The following SNX24 variants were observed in gnomAD, a reference collection of about 807,000 sequenced individuals.
SNX24 encodes sorting nexin 24, also known as sorting nexin-24.
SNX24 carries 22 observed loss-of-function variants against 28.7 expected under a neutral mutation model. That is an observed-to-expected ratio of 0.77 (90% CI 0.55 to 1.10). The LOEUF is 1.10. Ranked by LOEUF, SNX24 falls within the 50% of genes least tolerant of loss-of-function variation. The pLI, the probability that SNX24 is intolerant of heterozygous loss-of-function variation, is 0.00. For synonymous variants in SNX24, 69 were observed against 71.5 expected (o/e 0.96, Z 0.18); for missense variants, 221 against 201.1 (o/e 1.10, Z -0.60).
intron 1 of SNX24, among the ~76,000 whole-genome samples, chr5:122,916,984 C>A (rs1445111350): frequency 6.6e-6 from 1 of 152,156 alleles, no homozygotes; most frequent in Admixed American, 6.5e-5. Context: ...TACTTAAAGA[C>A]TGGGCTGGGC....
chr5:122,857,218 G>C (rs945901902), intron 1 of SNX24, among the ~76,000 whole-genome samples: 1 of 151,778 alleles, frequency 6.6e-6, no homozygotes, highest in African/African-American at 2.4e-5. Context: ...CACCATGTTG[G>C]TCAGGCTGGT....
chr5:122,934,558 C>T (rs921980510), intron 1 of SNX24, among the ~76,000 whole-genome samples: 1 of 152,056 alleles, frequency 6.6e-6, no homozygotes, highest in Admixed American at 6.6e-5. Flanking sequence ...TGGGGTTTCA[C>T]CATTTTGGCC....
chr5:122,965,578 C>G, intron 3 of SNX24: 1 of 387,804 alleles, frequency 2.6e-6, no homozygotes, highest in Non-Finnish European at 5.3e-6. Context: ...ATACAAGAGA[C>G]AAGCATATGG....
At chr5:122,886,252 A>C (rs1422493857) in intron 1 of SNX24, among the ~76,000 whole-genome samples, 1 of 152,230 alleles carries the variant, frequency 6.6e-6, no homozygotes, top group Non-Finnish European at 1.5e-5. Context: ...TTGCTTTGCA[A>C]ATACCTATGG....
intron 3 of SNX24, among the ~76,000 whole-genome samples, chr5:122,975,032 C>G (rs944709398): frequency 6.6e-6 from 1 of 152,166 alleles, no homozygotes; most frequent in Admixed American, 6.5e-5. Context: ...ACTGGAGGAC[C>G]ACAATGATGT....
intron 1 of SNX24, among the ~76,000 whole-genome samples, chr5:122,885,287 C>G (rs999186511): frequency 6.6e-6 from 1 of 152,064 alleles, no homozygotes; most frequent in Admixed American, 6.5e-5. Flanking sequence ...TCTGTGTTCC[C>G]TCTAGAGCAG....
At chr5:123,014,495 A>T (rs551243239) in intron 5 of SNX24, among the ~76,000 whole-genome samples, 1 of 151,890 alleles carries the variant, frequency 6.6e-6, no homozygotes, top group Non-Finnish European at 1.5e-5. Context: ...ACCAGACATG[A>T]ACGCTTAAAT....
intron 1 of SNX24, among the ~76,000 whole-genome samples, chr5:122,919,461 T>G (rs894708225): frequency 1.3e-5 from 2 of 152,198 alleles, no homozygotes; most frequent in Middle Eastern, 3.2e-3. Context: ...AAAACTCATT[T>G]AGGGTCATAT....
At chr5:123,013,413 T>A (rs1354497231), downstream of SNX24, among the ~76,000 whole-genome samples, 1 of 152,226 alleles carries the variant, frequency 6.6e-6, no homozygotes, top group Non-Finnish European at 1.5e-5. Context: ...TTGTTTTGGT[T>A]TTTATTCTTG....
Position 122,933,608 on chromosome 5 carries a change from C to T in SNX24, c.61-3126C>T, listed in dbSNP as rs575446940. 8.5e-5 allele frequency among the ~76,000 whole-genome samples: 13 copies of T among 152,234 alleles called. No homozygotes were observed. In the South Asian group the frequency reaches 2.7e-3, roughly 32 times the overall value. On this transcript the variant is annotated intron_variant, in intron 1 of 6. Transcript: ENST00000261369. Reference sequence around the variant, plus strand: ...CCAATGTCTTGAGAGCCATTTTTTCCACATATTTTGTGCACTTATTTAATT... The same window carrying T: ...CCAATGTCTTGAGAGCCATTTTTTCTACATATTTTGTGCACTTATTTAATT...
intron 3 of SNX24, among the ~76,000 whole-genome samples, chr5:122,964,504 G>T (rs1760634847): frequency 6.6e-6 from 1 of 151,832 alleles, no homozygotes; most frequent in South Asian, 2.1e-4. Flanking sequence ...TCTCGTGCAT[G>T]TTTATAATAA....
intron 5 of SNX24, among the ~76,000 whole-genome samples, chr5:123,016,703 A>G (rs1340385729): frequency 1.3e-5 from 2 of 152,052 alleles, no homozygotes; most frequent in East Asian, 3.9e-4. Context: ...GAACTCGCTG[A>G]TGGATTTGGA....
At chr5:122,880,150 A>T (rs1756410732) in intron 1 of SNX24, among the ~76,000 whole-genome samples, 1 of 152,228 alleles carries the variant, frequency 6.6e-6, no homozygotes, top group African/African-American at 2.4e-5. Context: ...TATGTGAAGC[A>T]GTGATCAATA....
rs376599381 is a variant in SNX24, at chr5:122,898,897, C to A, written c.61-37837C>A. Among the ~76,000 whole-genome samples, 30 of 152,298 alleles carry A rather than the reference C, an allele frequency of 2.0e-4. No individual in the cohort carries two copies. In the East Asian group the frequency reaches 4.4e-3, roughly 23 times the overall value. On this transcript the variant is annotated intron_variant, in intron 1 of 6. Transcript: ENST00000261369. ...GCCAAATGTGGTTGATGGGGCATTT[C>A]ACAAATCAGAGTTTAGGAACTGGAG...
intron 1 of SNX24, among the ~76,000 whole-genome samples, chr5:122,872,710 A>C (rs1756037259): frequency 6.6e-6 from 1 of 151,790 alleles, no homozygotes; most frequent in Non-Finnish European, 1.5e-5. Flanking sequence ...GTCTGTATAC[A>C]TTCAGTTTTT....
At chr5:122,957,985 CTTCTTCCATTCCAATTAGGATAGCT>C (rs1760288243) in intron 3 of SNX24, among the ~76,000 whole-genome samples, 1 of 152,110 alleles carries the variant, frequency 6.6e-6, no homozygotes, top group African/African-American at 2.4e-5. Context: ...GATAATTTTA[CTTCTTCCATTCCAATTAGGATAGCT>C]TTATTTCTTT....
intron 3 of SNX24, among the ~76,000 whole-genome samples, chr5:122,989,919 A>G (rs980956019): frequency 6.6e-6 from 1 of 152,146 alleles, no homozygotes; most frequent in Admixed American, 6.5e-5. Context: ...CTTACCAGCC[A>G]TGTGTAGACA....
intron 1 of SNX24, among the ~76,000 whole-genome samples, chr5:122,930,570 C>T (rs1415158273): frequency 6.6e-6 from 1 of 152,068 alleles, no homozygotes; most frequent in Non-Finnish European, 1.5e-5. Context: ...TGTGGACATC[C>T]TTGTCTTGTT....
At chr5:122,937,696 G>T (rs1759237239) in intron 2 of SNX24, among the ~76,000 whole-genome samples, 1 of 152,098 alleles carries the variant, frequency 6.6e-6, no homozygotes, top group African/African-American at 2.4e-5. Context: ...TTTTCTGTTA[G>T]GACGGCAAGG....
Sources: gnomAD v4.1 joint callset for allele counts (sites outside exome capture counted in the v4.1 genomes callset) on GRCh38, gnomAD v4.1.1 for gene constraint, MANE v1.5 for transcripts, NCBI Gene and HGNC (gene_info 2026-07-23, HGNC 2026-07-21) for gene names.